Variants in PHACTR1 observed in about 807,000 individuals in gnomAD.
PHACTR1 encodes the protein RPEL repeat containing 1.
Under a neutral mutation model 69.2 loss-of-function variants are expected in PHACTR1, and 16 were observed. The ratio of observed to expected loss-of-function variants is 0.23; its 90% CI spans 0.16 to 0.35. The LOEUF is 0.35. Ranked by LOEUF, PHACTR1 falls within the 10% of genes least tolerant of loss-of-function variation. PHACTR1 has a pLI of 1.00. For synonymous variants in PHACTR1, 312 were observed against 284.5 expected (o/e 1.10, Z -0.97); for missense variants, 510 against 734.7 (o/e 0.69, Z 3.54).
At chr6:12,760,127 C>A (rs1767864028) in intron 4 of PHACTR1, among the ~76,000 whole-genome samples, 1 of 152,220 alleles carries the variant, frequency 6.6e-6, no homozygotes, top group East Asian at 1.9e-4. Context: ...CTGCTTCATG[C>A]TTGTTCTATT....
chr6:13,261,811 G>A (rs1278247822), intron 10 of PHACTR1, among the ~76,000 whole-genome samples: 4 of 152,224 alleles, frequency 2.6e-5, no homozygotes, highest in African/African-American at 4.8e-5. Context: ...AAGCTGTAAC[G>A]TTAGGGATTA....
At chr6:12,881,157 A>G (rs1449928567) in intron 4 of PHACTR1, among the ~76,000 whole-genome samples, 1 of 152,202 alleles carries the variant, frequency 6.6e-6, no homozygotes, top group African/African-American at 2.4e-5. Context: ...GTAGGGAAGA[A>G]CTTGACAACA....
At chr6:12,826,592 A>G (rs950685349) in intron 4 of PHACTR1, among the ~76,000 whole-genome samples, 2 of 152,172 alleles carry the variant, frequency 1.3e-5, no homozygotes, top group Non-Finnish European at 2.9e-5. Flanking sequence ...TGACATTGTT[A>G]TAGGGTGTCC....
In PHACTR1 at chr6:13,255,380, A is replaced by T. The variant is rs7744815; in HGVS notation, c.1392-17480A>T. ...ACATGAGATTTGGGTAGGGACACAG[A>T]TCCAAACCATATCATTCTGCCCCTG... is the stretch of plus-strand genomic sequence containing the variant. On this transcript the variant is annotated intron_variant, in intron 10 of 14. Coordinates refer to ENST00000332995, the MANE Select transcript of PHACTR1 (RefSeq NM_030948.6). 7.2e-3 allele frequency among the ~76,000 whole-genome samples: 1,097 copies of T among 152,268 alleles called. 14 individuals carry two copies. The highest frequency in any genetic ancestry group is 0.025 in the African/African-American group (1,044 of 41,544).
intron 10 of PHACTR1, among the ~76,000 whole-genome samples, chr6:13,231,070 AGGAAGGAAGG>A (rs1159232686): frequency 0.12 from 222 of 1,796 alleles, 34 homozygotes; most frequent in African/African-American, 0.25. Context: ...GAAGGAAGGA[AGGAAGGAAGG>A]AAGGAAGAAG....
intron 3 of PHACTR1, among the ~76,000 whole-genome samples, chr6:12,725,290 A>G (rs1475853193): frequency 6.6e-6 from 1 of 152,212 alleles, no homozygotes; most frequent in Admixed American, 6.5e-5. Context: ...ACATGGCCCC[A>G]AGAGACAAAG....
chr6:12,857,338 G>A (rs550391797), intron 4 of PHACTR1, among the ~76,000 whole-genome samples: 10 of 152,274 alleles, frequency 6.6e-5, no homozygotes, highest in Middle Eastern at 6.8e-3. Flanking sequence ...CTCGTCAGGC[G>A]CGGTGGTTCA....
At chr6:12,909,693 G>A (rs1476306568) in intron 4 of PHACTR1, among the ~76,000 whole-genome samples, 1 of 152,156 alleles carries the variant, frequency 6.6e-6, no homozygotes, top group Non-Finnish European at 1.5e-5. Flanking sequence ...TTGCCAAGTG[G>A]AGTCTTCATG....
At chr6:13,188,807 C>T (rs367675432) in intron 7 of PHACTR1, among the ~76,000 whole-genome samples, 46 of 152,236 alleles carry the variant, frequency 3.0e-4, no homozygotes, top group African/African-American at 1.0e-3. Flanking sequence ...AACCATGCAA[C>T]AGCATGCGAT....
At chr6:12,911,778 A>G (rs989914508) in intron 4 of PHACTR1, among the ~76,000 whole-genome samples, 3 of 152,162 alleles carry the variant, frequency 2.0e-5, no homozygotes, top group African/African-American at 7.2e-5. Flanking sequence ...GTGCCTTTGT[A>G]CCCTTTCCAA....
chr6:13,091,943 G>A (rs887405424), intron 5 of PHACTR1, among the ~76,000 whole-genome samples: 1 of 152,102 alleles, frequency 6.6e-6, no homozygotes. Flanking sequence ...GACTGCAGGC[G>A]CATATGACCA....
At chr6:12,991,173 T>G (rs577741376) in intron 4 of PHACTR1, among the ~76,000 whole-genome samples, 1 of 152,324 alleles carries the variant, frequency 6.6e-6, no homozygotes, top group South Asian at 2.1e-4. Context: ...TGTCCCTTGT[T>G]CCAGGAGGGT....
intron 4 of PHACTR1, 97 bp downstream of exon 4, chr6:12,749,887 C>A (rs1205692054): frequency 2.5e-6 from 3 of 1,217,366 alleles, no homozygotes; most frequent in African/African-American, 1.5e-5. Context: ...TCCCCGCCGC[C>A]CCCCGCAGTC....
Position 13,206,064 on chromosome 6 carries a change from T to C in PHACTR1, c.914T>C (p.Met305Thr), listed in dbSNP as rs1014470654. 7 of 1,613,492 alleles carry C rather than the reference T, an allele frequency of 4.3e-6. No individual in the cohort carries two copies. In the East Asian group the frequency reaches 8.9e-5, roughly 21 times the overall value. Residue 305 changes from methionine (M) to threonine (T), a missense_variant, in exon 8 of 15, where the codon ATG (methionine) becomes ACG (threonine). Coordinates refer to ENST00000332995, the MANE Select transcript of PHACTR1 (RefSeq NM_030948.6). ...HLPSTTGSLP[M>T]HPSGCRMIDE... ...CCCTCCACCACCGGCTCCCTCCCCATGCACCCCTCGGGCTGCAGAATGATA... is the reference window on the plus strand; with the variant it reads ...CCCTCCACCACCGGCTCCCTCCCCACGCACCCCTCGGGCTGCAGAATGATA...
In PHACTR1 at chr6:12,996,662, T is replaced by C. The variant is rs561025097; in HGVS notation, c.251-56703T>C. 6.6e-5 allele frequency among the ~76,000 whole-genome samples: 10 copies of C among 152,318 alleles called. No homozygotes were observed. The South Asian group carries it at 2.1e-3, about 32-fold the overall frequency. ...GACTAAATATGTGACCTCTATTTTA[T>C]ATAAACTTTTCAAGACAATAGAAAG... On this transcript the variant is annotated intron_variant, in intron 4 of 14. Transcript: ENST00000332995.
At chr6:13,278,876 T>A (rs185283846) in intron 12 of PHACTR1, among the ~76,000 whole-genome samples, 3 of 151,784 alleles carry the variant, frequency 2.0e-5, no homozygotes, top group Admixed American at 2.0e-4. Flanking sequence ...GGTTGGAGAA[T>A]TGCTTGAGCC....
chr6:13,159,776 C>T (rs1376787403), intron 5 of PHACTR1, among the ~76,000 whole-genome samples: 1 of 152,122 alleles, frequency 6.6e-6, no homozygotes, highest in East Asian at 1.9e-4. Flanking sequence ...CCCGTCTCTA[C>T]TAAAAATACA....
At chr6:12,996,148 C>T (rs925727111) in intron 4 of PHACTR1, among the ~76,000 whole-genome samples, 2 of 151,704 alleles carry the variant, frequency 1.3e-5, no homozygotes, top group East Asian at 1.9e-4. Flanking sequence ...TTAGCCATGC[C>T]GTCAACTCAA....
intron 3 of PHACTR1, among the ~76,000 whole-genome samples, chr6:12,735,646 T>C (rs1386695652): frequency 1.3e-5 from 2 of 152,244 alleles, no homozygotes; most frequent in African/African-American, 2.4e-5. Flanking sequence ...TGAATTGTCT[T>C]TCATTCATGT....
Sources: gnomAD v4.1 joint callset for allele counts (sites outside exome capture counted in the v4.1 genomes callset) on GRCh38, gnomAD v4.1.1 for gene constraint, MANE v1.5 for transcripts, NCBI Gene and HGNC (gene_info 2026-07-23, HGNC 2026-07-21) for gene names.